Variants in GSE1 observed in about 807,000 individuals in gnomAD.
GSE1 encodes the protein genetic suppressor element 1.
Under a neutral mutation model 112.6 loss-of-function variants are expected in GSE1, and 32 were observed. The observed-to-expected ratio is 0.28, with a 90% confidence interval of 0.21 to 0.38. GSE1 has a LOEUF of 0.38. Among genes scored for constraint, GSE1 ranks in the 10% least tolerant of loss-of-function variants. The pLI is 1.00. For synonymous variants in GSE1, 1,115 were observed against 735.6 expected, an observed-to-expected ratio of 1.52 and a Z score of -8.35; for missense variants, 2,348 against 1,699.2, an observed-to-expected ratio of 1.38 and a Z score of -6.71.
At chr16:85,183,763 A>G (rs199861848) in intron 1 of GSE1, among the ~76,000 whole-genome samples, 3 of 152,170 alleles carry the variant, frequency 2.0e-5, no homozygotes, top group African/African-American at 7.2e-5. Context: ...ACAGATGTAC[A>G]GGCTGAGGCT....
chr16:85,229,192 G>A (rs781258682), intron 1 of GSE1, among the ~76,000 whole-genome samples: 4 of 152,210 alleles, frequency 2.6e-5, no homozygotes, highest in South Asian at 2.1e-4. Flanking sequence ...GAGATCTGGC[G>A]CGGCACCAGC....
At chr16:85,639,938 A>G (rs2050306318) in intron 2 of GSE1, among the ~76,000 whole-genome samples, 1 of 151,990 alleles carries the variant, frequency 6.6e-6, no homozygotes, top group African/African-American at 2.4e-5. Flanking sequence ...AGGCACAGGC[A>G]GCACCTGGGA....
At chr16:85,478,875 CTTTCTTT>C (rs1385231241) in intron 2 of GSE1, among the ~76,000 whole-genome samples, 1 of 52,880 alleles carries the variant, frequency 1.9e-5, no homozygotes, top group Non-Finnish European at 3.1e-5. Context: ...TTCTTTCTTT[CTTTCTTT>C]CTTTCTTTCT....
At chr16:85,375,906 C>T (rs551424787) in intron 2 of GSE1, among the ~76,000 whole-genome samples, 1 of 152,314 alleles carries the variant, frequency 6.6e-6, no homozygotes, top group East Asian at 1.9e-4. Flanking sequence ...ACCATCAGCC[C>T]CATTTTATAG....
Position 85,661,479 on chromosome 16 carries a change from G to C in GSE1, c.1974G>C (p.Glu658Asp), listed in dbSNP as rs754231872. The part of the protein sequence containing the change: ...KYQPPPPPPR[E>D]GGSLEHQPFL... ...AGCCACCTCCGCCGCCACCACGAGA[G>C]GGAGGGAGCCTGGAGCACCAGCCCT... The change falls in exon 9 of 16, where the codon GAG (glutamate) becomes GAC (aspartate). Residue 658 changes from glutamate (E) to aspartate (D), a missense_variant. Coordinates refer to ENST00000253458, the MANE Select transcript of GSE1 (RefSeq NM_014615.5). 1.1e-5 allele frequency: 17 copies of C among 1,611,724 alleles called. No homozygotes were observed. Among genetic ancestry groups the C allele is most frequent in the Non-Finnish European group, 1.4e-5 (17 of 1,179,430 alleles).
chr16:85,482,269 G>A (rs891431911), intron 2 of GSE1, among the ~76,000 whole-genome samples: 1 of 152,250 alleles, frequency 6.6e-6, no homozygotes, highest in South Asian at 2.1e-4. Flanking sequence ...CACTGGCACT[G>A]GGGGTGCTCG....
In GSE1 at chr16:85,184,037, C is replaced by T. The variant is rs151014539; in HGVS notation, c.2283+12230C>T. ...TTCCCCAGAGAGTCTTCAGTCTCCT[C>T]TTGAATCCTTCCAGGGATGGCGAAC... is the stretch of plus-strand genomic sequence containing the variant. On this transcript the variant is annotated intron_variant, in intron 1 of 2. Coordinates refer to the GSE1 transcript ENST00000637419. 4.5e-3 allele frequency among the ~76,000 whole-genome samples: 691 copies of T among 152,330 alleles called. 8 individuals carry two copies. Among genetic ancestry groups the T allele is most frequent in the African/African-American group, 0.014 (586 of 41,576 alleles).
At chr16:85,189,715 A>T (rs2074782778) in intron 1 of GSE1, among the ~76,000 whole-genome samples, 1 of 152,164 alleles carries the variant, frequency 6.6e-6, no homozygotes, top group Non-Finnish European at 1.5e-5. Context: ...TTCTCCCATG[A>T]GGTTTATTTC....
intron 2 of GSE1, among the ~76,000 whole-genome samples, chr16:85,528,633 G>A (rs2052441130): frequency 7.0e-6 from 1 of 142,150 alleles, no homozygotes; most frequent in Non-Finnish European, 1.5e-5. Context: ...GCCGTGGATT[G>A]CTGTTTTTTG....
rs139175205 is a variant in GSE1, at chr16:85,575,596, C to T, written c.37+19233C>T. ...GCTAATTGCGATTTCTTTTTCATGA[C>T]GGGCGGGAGGGGCATATGGATGTGT... On this transcript the variant is annotated intron_variant, in intron 1 of 2. Transcript: ENST00000635906. Among the ~76,000 whole-genome samples, 374 of 152,118 alleles carry T rather than the reference C, an allele frequency of 2.5e-3. 3 individuals carry two copies. Among genetic ancestry groups the T allele is most frequent in the African/African-American group, 8.7e-3 (360 of 41,456 alleles).
chr16:85,202,396 A>T (rs1243702650), intron 1 of GSE1, among the ~76,000 whole-genome samples: 1 of 152,224 alleles, frequency 6.6e-6, no homozygotes, highest in East Asian at 1.9e-4. Context: ...TATTGGAACA[A>T]GCGGCCTGGC....
chr16:85,541,070 A>G (rs2044501814), intron 2 of GSE1, among the ~76,000 whole-genome samples: 1 of 152,042 alleles, frequency 6.6e-6, no homozygotes, highest in Admixed American at 6.6e-5. Context: ...TGTGCTCGAC[A>G]GGGAGAATGG....
At chr16:85,602,269 C>T (rs985933583) in intron 1 of GSE1, among the ~76,000 whole-genome samples, 2 of 152,084 alleles carry the variant, frequency 1.3e-5, no homozygotes, top group Non-Finnish European at 2.9e-5. Flanking sequence ...GGAGGCGGGG[C>T]GGGAGCAGCG....
chr16:85,650,221 C>T (rs938970000), intron 3 of GSE1, among the ~76,000 whole-genome samples: 3 of 152,178 alleles, frequency 2.0e-5, no homozygotes, highest in African/African-American at 7.2e-5. Context: ...AGGCGGCCCT[C>T]GTCCTGGTTT....
rs541812170 is a variant in GSE1, at chr16:85,310,680, G to T, written c.2284-46783G>T. 3.8e-4 allele frequency among the ~76,000 whole-genome samples: 58 copies of T among 152,196 alleles called. No individual in the cohort carries two copies. In the South Asian group the frequency reaches 0.012, roughly 32 times the overall value. On this transcript the variant is annotated intron_variant, in intron 1 of 2. Coordinates refer to the GSE1 transcript ENST00000637419. ...AGGGAGGGAGGGAGGGAGCAGGAGGGCCCGCTGGGGCCCACCAGGGAGAGA... is the reference window on the plus strand; with the variant it reads ...AGGGAGGGAGGGAGGGAGCAGGAGGTCCCGCTGGGGCCCACCAGGGAGAGA...
At chr16:85,613,422 G>T in intron 1 of GSE1, 24 bp downstream of exon 1, 7 of 1,546,982 alleles carry the variant, frequency 4.5e-6, no homozygotes, top group Non-Finnish European at 5.2e-6. Context: ...ACCCGGCCGG[G>T]GACGGGGTCC....
intron 1 of GSE1, among the ~76,000 whole-genome samples, chr16:85,628,187 G>T (rs992657806): frequency 2.0e-5 from 3 of 152,264 alleles, no homozygotes; most frequent in African/African-American, 7.2e-5. Context: ...CGCCTGCCCA[G>T]TGCACACATA....
chr16:85,505,740 C>T (rs1035700492), intron 2 of GSE1, among the ~76,000 whole-genome samples: 2 of 152,194 alleles, frequency 1.3e-5, no homozygotes, highest in East Asian at 1.9e-4. Flanking sequence ...AAAGGTAGGC[C>T]GGGTGCGGTA....
intron 2 of GSE1, among the ~76,000 whole-genome samples, chr16:85,429,438 G>C (rs7197463): frequency 0.71 from 108,411 of 152,148 alleles, 41,091 homozygotes; most frequent in Non-Finnish European, 0.84. Context: ...AAGGACGGGG[G>C]CTCTGGTGGC....
Sources: allele counts gnomAD v4.1 joint callset (sites outside exome capture counted in the v4.1 genomes callset), GRCh38; gene constraint gnomAD v4.1.1; transcripts MANE v1.5; gene names NCBI Gene and HGNC (gene_info 2026-07-23, HGNC 2026-07-21).